CFAP54: variants seen among roughly 807,000 people sequenced by gnomAD.
CFAP54 encodes cilia and flagella associated protein 54, also known as cilia- and flagella-associated protein 54.
In CFAP54, 290 loss-of-function variants were observed where a neutral mutation model predicts 370.4. The ratio of observed to expected loss-of-function variants is 0.78; its 90% CI spans 0.71 to 0.86. The LOEUF (loss-of-function observed/expected upper bound fraction) is 0.86, where lower values mean the gene tolerates loss of function less well. Ranked by LOEUF, CFAP54 falls within the 40% of genes least tolerant of loss-of-function variation. The probability of loss-of-function intolerance (pLI) is 0.00; values close to 1 mark genes in which losing one functional copy is unlikely to be tolerated. For synonymous variants in CFAP54, 1,206 were observed against 1,236.5 expected, an observed-to-expected ratio of 0.98 and a Z score of 0.52; for missense variants, 3,399 against 3,528.7, an observed-to-expected ratio of 0.96 and a Z score of 0.93.
chr12:96,496,394 T>C (rs766803494), intron 1 of CFAP54, among the ~76,000 whole-genome samples: 11 of 152,214 alleles, frequency 7.2e-5, no homozygotes, highest in Non-Finnish European at 1.5e-4. Flanking sequence ...AACAGAAATT[T>C]ATTTATTTTT....
At chr12:96,571,100 T>C (rs1955912675) in intron 19 of CFAP54, among the ~76,000 whole-genome samples, 1 of 152,190 alleles carries the variant, frequency 6.6e-6, no homozygotes, top group Admixed American at 6.5e-5. Context: ...TGATAGTTGA[T>C]TACATATGTC....
At chr12:96,837,002 T>C (rs1222255930) in intron 66 of CFAP54, among the ~76,000 whole-genome samples, 1 of 152,112 alleles carries the variant, frequency 6.6e-6, no homozygotes, top group Admixed American at 6.5e-5. Flanking sequence ...TATTTTATTT[T>C]ATAGCAATGA....
At chr12:96,818,491 A>T (rs1483538430) in intron 65 of CFAP54, among the ~76,000 whole-genome samples, 1 of 152,162 alleles carries the variant, frequency 6.6e-6, no homozygotes, top group Non-Finnish European at 1.5e-5. Context: ...AGACAGTTAT[A>T]TGGAGACCAA....
Position 96,512,794 on chromosome 12 carries a change from T to C in CFAP54, c.740-192T>C, listed in dbSNP as rs374569222. 5.3e-5 allele frequency among the ~76,000 whole-genome samples: 8 copies of C among 152,318 alleles called. No individual in the cohort carries two copies. The East Asian group carries it at 7.7e-4, about 15-fold the overall frequency. ...TGTCAACATATTTAAAATACGGCCA[T>C]GTTAATTATTTTAATGATTTTGTTT... On this transcript the variant is annotated intron_variant, in intron 4 of 67. Coordinates refer to ENST00000524981, the MANE Select transcript of CFAP54 (RefSeq NM_001306084.2).
At chr12:96,491,563 A>C (rs1440561360) in intron 1 of CFAP54, among the ~76,000 whole-genome samples, 1 of 152,170 alleles carries the variant, frequency 6.6e-6, no homozygotes, top group Non-Finnish European at 1.5e-5. Flanking sequence ...AGGGAGAGGC[A>C]ATAAGAAGAA....
chr12:96,519,878 T>C (rs567068265), intron 6 of CFAP54, among the ~76,000 whole-genome samples: 1 of 152,376 alleles, frequency 6.6e-6, no homozygotes, highest in East Asian at 1.9e-4. Flanking sequence ...CAAAAACTTC[T>C]ATCTGTTGTC....
intron 19 of CFAP54, among the ~76,000 whole-genome samples, chr12:96,576,037 C>T (rs538931091): frequency 2.7e-4 from 41 of 152,080 alleles, no homozygotes; most frequent in African/African-American, 9.9e-4. Context: ...TGTGTTATCT[C>T]TCTGCATATA....
chr12:96,589,000 G>A (rs949840955), intron 22 of CFAP54, among the ~76,000 whole-genome samples: 2 of 152,188 alleles, frequency 1.3e-5, no homozygotes, highest in East Asian at 1.9e-4. Flanking sequence ...AACCAGAAAA[G>A]AATGAAGTAT....
At chr12:96,729,554 G>A (rs1352583682) in intron 50 of CFAP54, among the ~76,000 whole-genome samples, 2 of 152,314 alleles carry the variant, frequency 1.3e-5, no homozygotes, top group African/African-American at 2.4e-5. Context: ...CTCAGTATTC[G>A]GGTGGGAGTG....
intron 1 of CFAP54, among the ~76,000 whole-genome samples, chr12:96,495,721 T>A (rs1032825421): frequency 5.3e-5 from 8 of 152,108 alleles, no homozygotes; most frequent in Admixed American, 5.2e-4. Flanking sequence ...TAGTATATAT[T>A]ATATATTTTT....
chr12:96,585,634 T>C (rs987928018), intron 22 of CFAP54, among the ~76,000 whole-genome samples: 1 of 152,202 alleles, frequency 6.6e-6, no homozygotes, highest in Non-Finnish European at 1.5e-5. Flanking sequence ...AACTTGTTTT[T>C]AAACCTCACC....
At position 96,875,378 on chromosome 12, in the gene CFAP54, A is replaced by G. The variant is rs1433792426; in HGVS notation, c.*275A>G. 2 of 152,222 alleles carry G rather than the reference A, an allele frequency of 1.3e-5. No individual in the cohort carries two copies. The highest frequency in any genetic ancestry group is 3.8e-4 in the East Asian group (2 of 5,198). 9.4% of individuals were successfully genotyped at this position (152,222 alleles called of 1,614,324 possible). The stretch of plus-strand genomic sequence containing the variant: ...CTTCATAGGTGTTTCAGCTCCCAGT[A>G]GGGCAGTTTAACTCCTATCTTCTCT... On this transcript the variant is annotated 3_prime_UTR_variant, in exon 68 of 68. Coordinates refer to ENST00000524981, the MANE Select transcript of CFAP54 (RefSeq NM_001306084.2).
At chr12:96,550,621 T>G (rs1483081580) in intron 15 of CFAP54, among the ~76,000 whole-genome samples, 1 of 152,118 alleles carries the variant, frequency 6.6e-6, no homozygotes, top group Non-Finnish European at 1.5e-5. Context: ...TAGAGACTTC[T>G]GTTTCTAGCA....
chr12:96,817,998 T>G, intron 65 of CFAP54, 85 bp downstream of exon 65: 1 of 985,974 alleles, frequency 1.0e-6, no homozygotes, highest in Non-Finnish European at 1.4e-6. Flanking sequence ...GGACTTAAAC[T>G]CTGTAATTCT....
chr12:96,783,813 G>C (rs901803653), intron 60 of CFAP54, among the ~76,000 whole-genome samples: 1 of 152,198 alleles, frequency 6.6e-6, no homozygotes, highest in African/African-American at 2.4e-5. Flanking sequence ...TTGAACCCGG[G>C]AGGAGAAGGT....
At chr12:96,761,383 CT>C (rs1958335118) in intron 58 of CFAP54, among the ~76,000 whole-genome samples, 1 of 152,130 alleles carries the variant, frequency 6.6e-6, no homozygotes, top group East Asian at 1.9e-4. Context: ...TACAAGCCCC[CT>C]ATCAAATAAA....
At chr12:96,720,248 T>C (rs1722991125) in intron 49 of CFAP54, among the ~76,000 whole-genome samples, 157 bp from the exon 50 acceptor site, 1 of 152,266 alleles carries the variant, frequency 6.6e-6, no homozygotes, top group South Asian at 2.1e-4. Context: ...TTTTTCCTTT[T>C]TGCTGAACTC....
chr12:96,797,426 T>C (rs1422921128), intron 63 of CFAP54, among the ~76,000 whole-genome samples: 1 of 152,120 alleles, frequency 6.6e-6, no homozygotes, highest in Non-Finnish European at 1.5e-5. Context: ...GAGAAGTATG[T>C]TTAAATCTTT....
At chr12:96,859,481 C>T (rs1264827396) in intron 66 of CFAP54, among the ~76,000 whole-genome samples, 1 of 151,942 alleles carries the variant, frequency 6.6e-6, no homozygotes. Flanking sequence ...TCTTGGCTTG[C>T]TGCAGCCTCT....
Sources: allele counts gnomAD v4.1 joint callset (sites outside exome capture counted in the v4.1 genomes callset), GRCh38; gene constraint gnomAD v4.1.1; transcripts MANE v1.5; gene names NCBI Gene and HGNC (gene_info 2026-07-23, HGNC 2026-07-21).